The following SV2C variants were observed in gnomAD, a reference collection of about 807,000 sequenced individuals.
SV2C encodes synaptic vesicle glycoprotein 2C.
SV2C carries 49 observed loss-of-function variants against 79.7 expected under a neutral mutation model. That is an observed-to-expected ratio of 0.61 (90% CI 0.49 to 0.78). The LOEUF (loss-of-function observed/expected upper bound fraction) is 0.78. Among genes scored for constraint, SV2C ranks in the 30% least tolerant of loss-of-function variants. The pLI, the probability that SV2C is intolerant of heterozygous loss-of-function variation, is 0.00. For synonymous variants in SV2C, 334 were observed against 333.2 expected (o/e 1.00, Z -0.03); for missense variants, 833 against 912.9 (o/e 0.91, Z 1.13).
the SV2C span, among the ~76,000 whole-genome samples, chr5:76,072,683 C>A: frequency 6.6e-6 from 1 of 152,138 alleles, no homozygotes; most frequent in East Asian, 1.9e-4. Flanking sequence ...GAAATCTCCA[C>A]ATTTTTTCCA....
chr5:76,159,723 A>G (rs115121508), intron 2 of SV2C, among the ~76,000 whole-genome samples: 1,526 of 152,120 alleles, frequency 0.01, 28 homozygotes, highest in African/African-American at 0.035. Context: ...CACCAATCAT[A>G]TTAGATTAAG....
chr5:76,242,221 G>A (rs1056354773), intron 4 of SV2C: 5 of 978,544 alleles, frequency 5.1e-6, no homozygotes, highest in Non-Finnish European at 8.2e-6. Flanking sequence ...ACAACCTCGC[G>A]GATCTTCTCT....
the SV2C span, among the ~76,000 whole-genome samples, chr5:76,001,077 C>G: frequency 0.47 from 70,352 of 151,050 alleles, 17,160 homozygotes; most frequent in Middle Eastern, 0.63. Context: ...CTCTGATGGG[C>G]GATGAAGCAT....
Position 76,295,770 on chromosome 5 carries a change from C to A in SV2C, c.1338-8C>A. ...CCTTTACAAACTCACATTTCTTTGT[C>A]TTTGCAGGTACTATGGATTATCCGT... On this transcript the variant is annotated splice_polypyrimidine_tract_variant and splice_region_variant and intron_variant, in intron 8 of 12. Transcript: ENST00000502798. 6.2e-7 allele frequency: 1 copy of A among 1,600,284 alleles called. No individual in the cohort carries two copies. Among genetic ancestry groups the A allele is most frequent in the South Asian group, 1.1e-5 (1 of 88,648 alleles).
intron 1 of SV2C, among the ~76,000 whole-genome samples, chr5:76,122,114 T>G (rs1748526016): frequency 6.6e-6 from 1 of 151,066 alleles, no homozygotes; most frequent in Non-Finnish European, 1.5e-5. Flanking sequence ...TCCTAGGTAA[T>G]TTATTCTCTT....
intron 2 of SV2C, among the ~76,000 whole-genome samples, chr5:76,138,142 T>A (rs1452227011): frequency 6.6e-6 from 1 of 152,190 alleles, no homozygotes; most frequent in Non-Finnish European, 1.5e-5. Context: ...CCAGCTGTTG[T>A]TTCCTTTGTG....
chr5:76,195,194 A>G, intron 3 of SV2C, 95 bp downstream of exon 3: 2 of 1,276,898 alleles, frequency 1.6e-6, no homozygotes, highest in Non-Finnish European at 2.2e-6. Flanking sequence ...ATCCCTTCAC[A>G]CATCTCCTTC....
chr5:76,096,854 A>G (rs1747580293), intron 1 of SV2C, among the ~76,000 whole-genome samples: 1 of 152,164 alleles, frequency 6.6e-6, no homozygotes, highest in Non-Finnish European at 1.5e-5. Flanking sequence ...ACTGTCTTTG[A>G]GCTGGGACAT....
At chr5:76,211,474 G>A (rs1744767799) in intron 4 of SV2C, among the ~76,000 whole-genome samples, 1 of 147,188 alleles carries the variant, frequency 6.8e-6, no homozygotes, top group Non-Finnish European at 1.5e-5. Flanking sequence ...GTGTGTGTGT[G>A]TGTGTGTGTG....
the SV2C span, among the ~76,000 whole-genome samples, chr5:75,956,402 G>A: frequency 8.6e-6 from 1 of 116,438 alleles, no homozygotes; most frequent in East Asian, 3.1e-4. Flanking sequence ...GTTGTGGGGT[G>A]GGGGGAGGGG....
At chr5:76,187,933 G>T (rs894181867) in intron 2 of SV2C, among the ~76,000 whole-genome samples, 1 of 151,414 alleles carries the variant, frequency 6.6e-6, no homozygotes, top group Non-Finnish European at 1.5e-5. Flanking sequence ...TTATTTCTCC[G>T]CTTTTCTCTT....
chr5:76,037,062 C>T, the SV2C span, among the ~76,000 whole-genome samples: 9 of 152,314 alleles, frequency 5.9e-5, no homozygotes, highest in African/African-American at 2.2e-4. Flanking sequence ...CTGCATTCTT[C>T]ATGTAGTTCT....
intron 2 of SV2C, among the ~76,000 whole-genome samples, chr5:76,175,465 C>G (rs1306873063): frequency 6.6e-6 from 1 of 152,194 alleles, no homozygotes; most frequent in East Asian, 1.9e-4. Context: ...CAGAATCTAA[C>G]AGTGAATGTT....
chr5:76,063,839 T>G, the SV2C span, among the ~76,000 whole-genome samples: 1 of 152,184 alleles, frequency 6.6e-6, no homozygotes, highest in Non-Finnish European at 1.5e-5. Context: ...CCTAAAGGAC[T>G]TATTTGTTTT....
chr5:75,997,128 A>G, the SV2C span, among the ~76,000 whole-genome samples: 10,612 of 151,264 alleles, frequency 0.07, 396 homozygotes, highest in Admixed American at 0.098. Context: ...GGTTTGTCAT[A>G]GATAGCTCTT....
At chr5:76,196,710 A>G (rs554358389) in intron 3 of SV2C, among the ~76,000 whole-genome samples, 26 of 152,322 alleles carry the variant, frequency 1.7e-4, no homozygotes, top group Non-Finnish European at 2.9e-4. Context: ...CTAACAGCAT[A>G]AGCGCTGAAT....
chr5:75,952,358 C>A, the SV2C span, among the ~76,000 whole-genome samples: 2 of 151,386 alleles, frequency 1.3e-5, no homozygotes, highest in Admixed American at 1.3e-4. Flanking sequence ...CTTTCATCTT[C>A]CTTTAAATAG....
Position 76,143,057 on chromosome 5 carries a change from C to T in SV2C, c.580+10727C>T, listed in dbSNP as rs778060071. 1.1e-4 allele frequency among the ~76,000 whole-genome samples: 17 copies of T among 151,848 alleles called. No individual in the cohort carries two copies. The South Asian group carries it at 1.5e-3, about 13-fold the overall frequency. Reference sequence around the variant, plus strand: ...GGTTACAGGCACCTGCCACCACACCCGGCTAATTTTTGTATTTTTAGTAGA... The same window carrying T: ...GGTTACAGGCACCTGCCACCACACCTGGCTAATTTTTGTATTTTTAGTAGA... On this transcript the variant is annotated intron_variant, in intron 2 of 12. Coordinates refer to ENST00000502798, the MANE Select transcript of SV2C (RefSeq NM_014979.4).
the SV2C span, among the ~76,000 whole-genome samples, chr5:75,933,273 G>A: frequency 2.0e-5 from 3 of 151,936 alleles, no homozygotes; most frequent in African/African-American, 7.3e-5. Context: ...TCATAGTACT[G>A]CTTGCAATTT....
Sources: gnomAD v4.1 joint callset for allele counts (sites outside exome capture counted in the v4.1 genomes callset) on GRCh38, gnomAD v4.1.1 for gene constraint, MANE v1.5 for transcripts, NCBI Gene and HGNC (gene_info 2026-07-23, HGNC 2026-07-21) for gene names.